HDLBP: variants seen among roughly 807,000 people sequenced by gnomAD.
The protein encoded by HDLBP is vigilin.
A neutral mutation model predicts 137.3 loss-of-function variants in HDLBP; 30 were observed. The ratio of observed to expected loss-of-function variants is 0.22; its 90% CI spans 0.16 to 0.30. The LOEUF is 0.30. Among genes scored for constraint, HDLBP ranks in the 10% least tolerant of loss-of-function variants. The pLI, the probability that HDLBP is intolerant of heterozygous loss-of-function variation, is 1.00. For missense variants in HDLBP, 1,119 were observed against 1,667.3 expected, an observed-to-expected ratio of 0.67 and a Z score of 5.73; for synonymous variants, 606 against 596.0, an observed-to-expected ratio of 1.02 and a Z score of -0.24.
At position 241,305,019 on chromosome 2, in the gene HDLBP, G is replaced by A. The variant is rs145946379; in HGVS notation, c.-103+10551C>T. 6.0e-3 allele frequency among the ~76,000 whole-genome samples: 918 copies of A among 152,314 alleles called. 6 individuals carry two copies. Among genetic ancestry groups the A allele is most frequent in the Non-Finnish European group, 9.5e-3 (643 of 68,028 alleles). ...ACCCGAGCTGGCACACAATAAACCG[G>A]TGTGGTGTTTTTTATTACTATTATC... On this transcript the variant is annotated intron_variant, in intron 1 of 27. Transcript: ENST00000310931.
intron 23 of HDLBP, among the ~76,000 whole-genome samples, chr2:241,234,823 A>G (rs1462282665): frequency 6.6e-6 from 1 of 152,218 alleles, no homozygotes; most frequent in Non-Finnish European, 1.5e-5. Flanking sequence ...GCCTCTCGCA[A>G]CCTTGACCTT....
intron 5 of HDLBP, 95 bp downstream of exon 5, chr2:241,262,616 T>C (rs920939913): frequency 1.1e-6 from 1 of 897,602 alleles, no homozygotes; most frequent in African/African-American, 1.6e-5. Context: ...GTCCCACTGG[T>C]AGGAAGGGTC....
At chr2:241,265,932 C>T (rs2073635486) in intron 3 of HDLBP, among the ~76,000 whole-genome samples, 1 of 152,208 alleles carries the variant, frequency 6.6e-6, no homozygotes, top group African/African-American at 2.4e-5. Context: ...ACACAGCAGC[C>T]ACCAGAAATG....
chr2:241,265,470 C>T (rs546705158), intron 3 of HDLBP, among the ~76,000 whole-genome samples: 91 of 152,322 alleles, frequency 6.0e-4, no homozygotes, highest in African/African-American at 2.2e-3. Context: ...CCCTGCCCTG[C>T]CCAAGGCAGA....
At chr2:241,245,572 G>A (rs867747318) in intron 16 of HDLBP, among the ~76,000 whole-genome samples, 9 of 152,310 alleles carry the variant, frequency 5.9e-5, no homozygotes, top group Middle Eastern at 3.4e-3. Context: ...AGGCCAAGGC[G>A]AGAGGATCAC....
rs868328885 is a variant in HDLBP, at chr2:241,256,509, T to C, written c.657+91A>G. Reference sequence around the variant, plus strand: ...CCCTCCACCCCCACCACATTATGCCTTGAAGTCCACACTGGACACGGCAAC... The same window carrying C: ...CCCTCCACCCCCACCACATTATGCCCTGAAGTCCACACTGGACACGGCAAC... On this transcript the variant is annotated intron_variant, in intron 6 of 27. Coordinates refer to ENST00000310931, the MANE Select transcript of HDLBP (RefSeq NM_005336.6). 25 of 1,516,354 alleles carry C rather than the reference T, an allele frequency of 1.6e-5. No individual in the cohort carries two copies. In the Middle Eastern group the frequency reaches 9.4e-4, roughly 57 times the overall value. The allele number at this position is 1,516,354 out of a possible 1,614,324, so 93.9% of individuals were successfully genotyped here.
At chr2:241,279,582 A>G (rs1286554827) in intron 1 of HDLBP, among the ~76,000 whole-genome samples, 1 of 152,190 alleles carries the variant, frequency 6.6e-6, no homozygotes, top group Non-Finnish European at 1.5e-5. Flanking sequence ...AGACACTGAC[A>G]TTGCCTGCCT....
In HDLBP at chr2:241,272,681, C is replaced by T. The variant is rs2074191515; in HGVS notation, c.-102-4140G>A. On this transcript the variant is annotated intron_variant, in intron 1 of 27. Transcript: ENST00000310931. The surrounding 1 kb of genome is among the most constrained non-coding windows in gnomAD (Gnocchi z 5.6). Reference sequence around the variant, plus strand: ...CCGCGGCCTCCACGTCAGCAGCCACCCCCCACCCCCCCGCCCGGCAGCCCG... The same window carrying T: ...CCGCGGCCTCCACGTCAGCAGCCACTCCCCACCCCCCCGCCCGGCAGCCCG... 2.6e-6 allele frequency: 2 copies of T among 781,442 alleles called. No homozygotes were observed. The highest frequency in any genetic ancestry group is 4.0e-5 in the African/African-American group (2 of 50,528). 48.4% of individuals were successfully genotyped at this position (781,442 alleles called of 1,614,324 possible). A position where few individuals can be genotyped will look rare whatever the true frequency, so the allele number is the denominator to read the frequency against.
Position 241,240,032 on chromosome 2 carries a change from G to A in HDLBP, c.2260C>T (p.Arg754Cys), listed in dbSNP as rs141380467. 6 of 1,614,138 alleles carry A rather than the reference G, an allele frequency of 3.7e-6. No homozygotes were observed. The East Asian group carries it at 6.7e-5, about 18-fold the overall frequency. Residue 754 changes from arginine to cysteine, a missense_variant, in exon 18 of 28, where the codon CGC (arginine) becomes TGC (cysteine). Transcript: ENST00000310931. The surrounding 1 kb of genome is among the most constrained non-coding windows in gnomAD (Gnocchi z 5.5). ...ATGACACGTGCTCCAGTGCTGTCGC[G>A]CACCTTGCGAATTTTGCCGCCCCCC... ...GKGGGKIRKV[R>C]DSTGARVIFP...
rs1294601559 is a variant in HDLBP, at chr2:241,272,608, GC to G, written c.-102-4068del. ...AGCAGGACACCCGCGGGCGGGGGCC[GC>G]AGCCTGGGGCCCGGGTGGGGGCCGC... On this transcript the variant is annotated intron_variant, in intron 1 of 27. Coordinates refer to ENST00000310931, the MANE Select transcript of HDLBP (RefSeq NM_005336.6). This position sits in a 1 kb window ranked among gnomAD's most constrained non-coding sequence, Gnocchi z 5.6. The G allele has an allele frequency of 1.0e-6, 1 of 981,820 alleles. No individual in the cohort carries two copies. Among genetic ancestry groups the G allele is most frequent in the Non-Finnish European group, 1.2e-6 (1 of 827,868 alleles). 60.8% of individuals were successfully genotyped at this position (981,820 alleles called of 1,614,324 possible).
intron 20 of HDLBP, among the ~76,000 whole-genome samples, chr2:241,237,810 A>G (rs544426679): frequency 6.6e-6 from 1 of 152,374 alleles, no homozygotes; most frequent in Non-Finnish European, 1.5e-5. Context: ...TTCTATCAAA[A>G]TCAAAGTTTT....
At chr2:241,301,709 G>A (rs906365462) in intron 1 of HDLBP, among the ~76,000 whole-genome samples, 1 of 151,734 alleles carries the variant, frequency 6.6e-6, no homozygotes, top group African/African-American at 2.4e-5. Context: ...GTTCTCAACT[G>A]TCGAATGGTT....
intron 1 of HDLBP, among the ~76,000 whole-genome samples, chr2:241,301,224 T>C (rs943760944): frequency 6.6e-6 from 1 of 151,420 alleles, no homozygotes; most frequent in Middle Eastern, 3.2e-3. Context: ...CCTGACCTCG[T>C]GATCTGCCCA....
In HDLBP at chr2:241,314,555, T is replaced by C. The variant is rs2149744912; in HGVS notation, c.-103+1015A>G. Among the ~76,000 whole-genome samples the C allele has an allele frequency of 2.6e-5, 4 of 152,332 alleles. No homozygotes were observed. In the East Asian group the frequency reaches 5.8e-4, roughly 22 times the overall value. On this transcript the variant is annotated intron_variant, in intron 1 of 27. Coordinates refer to ENST00000310931, the MANE Select transcript of HDLBP (RefSeq NM_005336.6). ...GGGCAAATCGTCATGTTCCTTAAGA[T>C]TACGACTCATCCACATTCCTTCAGC...
intron 1 of HDLBP, among the ~76,000 whole-genome samples, chr2:241,286,581 T>C (rs2074818266): frequency 6.6e-6 from 1 of 152,182 alleles, no homozygotes; most frequent in African/African-American, 2.4e-5. Context: ...TGCTGACTGA[T>C]GTCTCATGTC....
intron 1 of HDLBP, chr2:241,273,135 C>T (rs1262808337): frequency 1.0e-6 from 1 of 985,384 alleles, no homozygotes; most frequent in African/African-American, 1.7e-5. Context: ...AAGCAGATGT[C>T]ACCAGTACCG....
chr2:241,264,768 G>GC (rs1368960084), intron 3 of HDLBP, among the ~76,000 whole-genome samples, 163 bp from the exon 4 acceptor site: 1 of 152,032 alleles, frequency 6.6e-6, no homozygotes, highest in Non-Finnish European at 1.5e-5. Context: ...ATAGGAAAAG[G>GC]CCCCAGGAGG....
chr2:241,307,088 A>AG (rs2075607548), intron 1 of HDLBP, among the ~76,000 whole-genome samples: 2 of 83,302 alleles, frequency 2.4e-5, no homozygotes, highest in Non-Finnish European at 4.8e-5. Flanking sequence ...CGGGGGGGAC[A>AG]GGGGGGCAGT....
chr2:241,297,488 CTG>C lies in HDLBP; in HGVS notation c.-103+18080_-103+18081del, dbSNP rs1328081551. Among the ~76,000 whole-genome samples the C allele has an allele frequency of 3.9e-5, 6 of 152,248 alleles. No individual in the cohort carries two copies. In the East Asian group the frequency reaches 5.8e-4, roughly 15 times the overall value. ...TACATGGAGATATTAAAAAATGAGA[CTG>C]TGTTAAAAATACACACGCATGTAGC... is the stretch of plus-strand genomic sequence containing the variant. On this transcript the variant is annotated intron_variant, in intron 1 of 27. Transcript: ENST00000310931.
Sources: gnomAD v4.1 joint callset for allele counts (sites outside exome capture counted in the v4.1 genomes callset) on GRCh38, gnomAD v4.1.1 for gene constraint, Gnocchi (gnomAD v3.1) non-coding constraint, MANE v1.5 for transcripts, NCBI Gene and HGNC (gene_info 2026-07-23, HGNC 2026-07-21) for gene names.